PRKN: variants seen among roughly 807,000 people sequenced by gnomAD.
PRKN encodes the protein parkin RBR E3 ubiquitin protein ligase.
Under a neutral mutation model 59.5 loss-of-function variants are expected in PRKN, and 56 were observed. The ratio of observed to expected loss-of-function variants is 0.94; its 90% CI spans 0.76 to 1.18. The LOEUF (loss-of-function observed/expected upper bound fraction) is 1.18. Ranked by LOEUF, PRKN falls within the 50% of genes most tolerant of loss-of-function variation. The pLI is 0.00. For synonymous variants in PRKN, 250 were observed against 222.1 expected, an observed-to-expected ratio of 1.13 and a Z score of -1.12; for missense variants, 657 against 596.4, an observed-to-expected ratio of 1.10 and a Z score of -1.06.
At chr6:161,404,770 G>C (rs1052284891) in intron 9 of PRKN, among the ~76,000 whole-genome samples, 1 of 152,214 alleles carries the variant, frequency 6.6e-6, no homozygotes, top group Non-Finnish European at 1.5e-5. Context: ...TGTTTCTAAG[G>C]ATTGAAATGC....
At chr6:161,888,691 C>T (rs1562367308) in intron 6 of PRKN, among the ~76,000 whole-genome samples, 2 of 152,156 alleles carry the variant, frequency 1.3e-5, no homozygotes, top group South Asian at 2.1e-4. Context: ...AATCCTCCAG[C>T]ATCCTTTGAT....
intron 2 of PRKN, among the ~76,000 whole-genome samples, chr6:162,360,901 C>T (rs1785106445): frequency 6.6e-6 from 1 of 152,130 alleles, no homozygotes; most frequent in Non-Finnish European, 1.5e-5. Context: ...TGAGAGACAA[C>T]ATGGATGAAT....
At chr6:161,519,430 A>AC (rs879017673) in intron 9 of PRKN, among the ~76,000 whole-genome samples, 979 of 47,310 alleles carry the variant, frequency 0.021, 12 homozygotes, top group African/African-American at 0.073. Flanking sequence ...TGGTCTAGCA[A>AC]TTTGATTAGT....
chr6:161,940,884 T>A (rs1583378639), intron 6 of PRKN, among the ~76,000 whole-genome samples: 1 of 152,290 alleles, frequency 6.6e-6, no homozygotes, highest in Non-Finnish European at 1.5e-5. Context: ...CAAACCTCAC[T>A]TGGTGTTTGT....
At position 161,470,819 on chromosome 6, in the gene PRKN, T is replaced by G. The variant is rs751039318; in HGVS notation, c.1083+78035A>C. Among the ~76,000 whole-genome samples, 1 of 152,152 alleles carries G rather than the reference T, an allele frequency of 6.6e-6. No individual in the cohort carries two copies. The highest frequency in any genetic ancestry group is 1.5e-5 in the Non-Finnish European group (1 of 68,022). On this transcript the variant is annotated intron_variant, in intron 9 of 11. Coordinates refer to ENST00000366898, the MANE Select transcript of PRKN (RefSeq NM_004562.3). The surrounding 1 kb of genome is among the most constrained non-coding windows in gnomAD (Gnocchi z 5.1). ...GAAGGGCTGCCACATGTAGGGGATGTGGATGAATCTGAGATTTGTGGGCTG... is the reference window on the plus strand; with the variant it reads ...GAAGGGCTGCCACATGTAGGGGATGGGGATGAATCTGAGATTTGTGGGCTG...
chr6:162,475,475 C>T (rs1207365363), intron 1 of PRKN, among the ~76,000 whole-genome samples: 1 of 151,920 alleles, frequency 6.6e-6, no homozygotes, highest in Non-Finnish European at 1.5e-5. Flanking sequence ...CATGTTGTTA[C>T]TGGAGAAGAC....
intron 1 of PRKN, among the ~76,000 whole-genome samples, chr6:162,626,627 C>T (rs1782907628): frequency 1.3e-5 from 2 of 151,930 alleles, no homozygotes; most frequent in South Asian, 4.1e-4. Flanking sequence ...TCAGCCTGGC[C>T]AACGTGGTGA....
At chr6:162,711,622 A>G (rs1195070232) in intron 1 of PRKN, among the ~76,000 whole-genome samples, 1 of 152,186 alleles carries the variant, frequency 6.6e-6, no homozygotes, top group Non-Finnish European at 1.5e-5. Flanking sequence ...AGCTAATGCC[A>G]TGTTTAGCAA....
intron 9 of PRKN, among the ~76,000 whole-genome samples, chr6:161,472,362 G>T (rs766636272): frequency 6.6e-6 from 1 of 151,986 alleles, no homozygotes; most frequent in Admixed American, 6.6e-5. Flanking sequence ...AGAAAAATGG[G>T]TCAACTAATT....
intron 2 of PRKN, among the ~76,000 whole-genome samples, chr6:162,382,601 G>T (rs1017237775): frequency 6.6e-6 from 1 of 152,182 alleles, no homozygotes; most frequent in African/African-American, 2.4e-5. Context: ...CTCATGGAAG[G>T]TCTTGCTTTG....
At chr6:162,166,540 A>T (rs1782997438) in intron 4 of PRKN, among the ~76,000 whole-genome samples, 1 of 152,168 alleles carries the variant, frequency 6.6e-6, no homozygotes, top group Non-Finnish European at 1.5e-5. Context: ...CTGAACTATG[A>T]ACATGTATTG....
At chr6:161,760,137 T>C (rs2128198168) in intron 7 of PRKN, among the ~76,000 whole-genome samples, 1 of 149,300 alleles carries the variant, frequency 6.7e-6, no homozygotes, top group Middle Eastern at 3.5e-3. Flanking sequence ...ATTTATATCG[T>C]CCACTTTATG....
chr6:162,455,001 G>C (rs1156275193), intron 1 of PRKN, among the ~76,000 whole-genome samples: 1 of 152,178 alleles, frequency 6.6e-6, no homozygotes, highest in Non-Finnish European at 1.5e-5. Context: ...GGTTGAGTTA[G>C]GCTGGTATGA....
rs114526896 is a variant in PRKN, at chr6:161,670,455, C to T, written c.872-101039G>A. 3.6e-3 allele frequency among the ~76,000 whole-genome samples: 554 copies of T among 152,186 alleles called. 6 individuals are homozygous for T. Among genetic ancestry groups the T allele is most frequent in the African/African-American group, 0.013 (523 of 41,526 alleles). The stretch of plus-strand genomic sequence containing the variant: ...TCCTTGGTGTGTGGACTCATCATTC[C>T]GATCTCTGCCTCTGTATGCATGTGA... On this transcript the variant is annotated intron_variant, in intron 7 of 11. Transcript: ENST00000366898.
At chr6:161,890,529 C>G (rs766711670) in intron 6 of PRKN, among the ~76,000 whole-genome samples, 1 of 152,102 alleles carries the variant, frequency 6.6e-6, no homozygotes, top group Non-Finnish European at 1.5e-5. Flanking sequence ...GGGCTGAAGA[C>G]GAAGAGGAGC....
intron 1 of PRKN, among the ~76,000 whole-genome samples, chr6:162,654,052 G>A (rs758336216): frequency 6.6e-6 from 1 of 152,100 alleles, no homozygotes; most frequent in Non-Finnish European, 1.5e-5. Context: ...CACATTATTT[G>A]AGCCTATCAA....
chr6:162,715,720 C>T (rs562513761), intron 1 of PRKN, among the ~76,000 whole-genome samples: 2 of 152,294 alleles, frequency 1.3e-5, no homozygotes, highest in Admixed American at 1.3e-4. Flanking sequence ...GCATGGAAAA[C>T]TGCACTGAGC....
At chr6:162,224,154 C>G (rs1160171433) in intron 3 of PRKN, among the ~76,000 whole-genome samples, 1 of 151,956 alleles carries the variant, frequency 6.6e-6, no homozygotes, top group African/African-American at 2.4e-5. Context: ...AAGCTAAGAC[C>G]AAGCTGAGCT....
intron 7 of PRKN, among the ~76,000 whole-genome samples, chr6:161,755,909 A>G (rs1788897300): frequency 6.6e-6 from 1 of 152,162 alleles, no homozygotes; most frequent in African/African-American, 2.4e-5. Flanking sequence ...TCTGTTGCCA[A>G]TAGACAGTGG....
Sources: gnomAD v4.1 joint callset for allele counts (sites outside exome capture counted in the v4.1 genomes callset) on GRCh38, gnomAD v4.1.1 for gene constraint, Gnocchi (gnomAD v3.1) non-coding constraint, MANE v1.5 for transcripts, NCBI Gene and HGNC (gene_info 2026-07-23, HGNC 2026-07-21) for gene names.